MROH9: variants seen among roughly 807,000 people sequenced by gnomAD.
The protein encoded by MROH9 is maestro heat-like repeat-containing protein family member 9.
Under a neutral mutation model 98.2 loss-of-function variants are expected in MROH9, and 92 were observed. That is an observed-to-expected ratio of 0.94 (90% CI 0.79 to 1.11). The LOEUF is 1.11. MROH9 is among the 50% of genes most tolerant of loss of function. The pLI is 0.00. For missense variants in MROH9, 1,057 were observed against 1,014.8 expected (o/e 1.04, Z -0.57); for synonymous variants, 397 against 368.9 (o/e 1.08, Z -0.87).
chr1:170,969,996 C>T (rs1650379189), intron 7 of MROH9, among the ~76,000 whole-genome samples: 1 of 152,066 alleles, frequency 6.6e-6, no homozygotes, highest in African/African-American at 2.4e-5. Flanking sequence ...GGGTCATGTC[C>T]CACTTCCTAA....
intron 20 of MROH9, among the ~76,000 whole-genome samples, chr1:171,042,897 A>C (rs913394232): frequency 6.6e-6 from 1 of 152,110 alleles, no homozygotes; most frequent in Non-Finnish European, 1.5e-5. Context: ...ACCTCTTGTC[A>C]GATAAGTAGT....
chr1:171,041,886 A>G (rs756777116), intron 20 of MROH9, among the ~76,000 whole-genome samples: 9 of 151,954 alleles, frequency 5.9e-5, no homozygotes, highest in Non-Finnish European at 1.2e-4. Flanking sequence ...AGGTGTATAT[A>G]TTTATGGGTA....
chr1:171,054,044 A>G (rs1450980219), intron 20 of MROH9, among the ~76,000 whole-genome samples: 1 of 152,238 alleles, frequency 6.6e-6, no homozygotes, highest in Admixed American at 6.5e-5. Context: ...TAGCAAATAA[A>G]TAATTGCATA....
At position 171,064,265 on chromosome 1, in the gene MROH9, C is replaced by A; in HGVS notation, c.2511C>A (p.Tyr837Ter). 20 of 1,551,358 alleles carry A rather than the reference C, an allele frequency of 1.3e-5. No homozygotes were observed. Among genetic ancestry groups the A allele is most frequent in the Non-Finnish European group, 1.6e-5 (18 of 1,146,842 alleles). ...LFYIKKLKPLYNYNSPNGQID... is the reference protein window; with the variant it reads ...LFYIKKLKPL ...ACATCAAAAAATTGAAGCCTCTTTA[C>A]AATTATAACTCACCCAATGGCCAGA... is the stretch of plus-strand genomic sequence containing the variant. The change falls in exon 22 of 22, where the codon TAC becomes TAA. Residue 837 changes from tyrosine to a stop codon, truncating the protein, a stop_gained. Transcript: ENST00000367759. LOFTEE classifies it low-confidence loss of function (END_TRUNC).
At chr1:170,993,691 T>C (rs989952137) in intron 12 of MROH9, among the ~76,000 whole-genome samples, 1 of 151,774 alleles carries the variant, frequency 6.6e-6, no homozygotes, top group African/African-American at 2.4e-5. Flanking sequence ...GTGAACATAT[T>C]CTCCAGGGAG....
chr1:170,958,362 A>T, intron 3 of MROH9, 99 bp from the exon 4 acceptor site: 1 of 616,340 alleles, frequency 1.6e-6, no homozygotes, highest in Non-Finnish European at 2.8e-6. Flanking sequence ...TGGTTCCTTT[A>T]GTCTCTGTAA....
chr1:170,963,296 T>C (rs1201697951), intron 6 of MROH9, among the ~76,000 whole-genome samples: 1 of 152,018 alleles, frequency 6.6e-6, no homozygotes, highest in Admixed American at 6.6e-5. Flanking sequence ...CTACCACCAG[T>C]CAGAATGACT....
intron 8 of MROH9, among the ~76,000 whole-genome samples, chr1:170,975,340 A>T (rs911280343): frequency 2.0e-5 from 3 of 152,152 alleles, no homozygotes; most frequent in African/African-American, 7.2e-5. Flanking sequence ...TTATAAAAAG[A>T]TATATTTTAG....
At chr1:171,008,252 T>A (rs1395080600) in intron 15 of MROH9, among the ~76,000 whole-genome samples, 1 of 152,196 alleles carries the variant, frequency 6.6e-6, no homozygotes, top group Admixed American at 6.5e-5. Context: ...TAATTTTTTA[T>A]GTAACTTATT....
chr1:170,967,900 A>G (rs1650295653), intron 7 of MROH9, among the ~76,000 whole-genome samples: 1 of 152,188 alleles, frequency 6.6e-6, no homozygotes, highest in Non-Finnish European at 1.5e-5. Flanking sequence ...TTTCCAGCTA[A>G]ATCTAACAAA....
rs970125039 is a variant in MROH9, at chr1:170,983,499, A to G, written c.694A>G (p.Lys232Glu). Residue 232 changes from lysine (K) to glutamate (E), a missense_variant, in exon 9 of 22, where the codon AAG becomes GAG. Physicochemically the swap from Lys to Glu is moderately conservative, Grantham distance 56 (BLOSUM62 1). Coordinates refer to ENST00000367759, the MANE Select transcript of MROH9 (RefSeq NM_001163629.2). ...TTCTTCTGATGTAGAATTTCTACCC[A>G]AGGAGTTTCAACAAGACGAAAGTAA... Reference protein sequence around the residue: ...FPSSDVEFLPKEFQQDESKIA... With the variant: ...FPSSDVEFLPEEFQQDESKIA... 4.3e-6 allele frequency: 7 copies of G among 1,613,000 alleles called. No individual in the cohort carries two copies. Among genetic ancestry groups the G allele is most frequent in the African/African-American group, 1.3e-5 (1 of 74,888 alleles).
chr1:170,988,847 C>CA (rs2101805255), intron 10 of MROH9, among the ~76,000 whole-genome samples: 1 of 152,212 alleles, frequency 6.6e-6, no homozygotes, highest in Admixed American at 6.5e-5. Context: ...TATAATTAAG[C>CA]ACCCAGTGAC....
chr1:170,961,963 T>C lies in MROH9; in HGVS notation c.362T>C (p.Leu121Pro), dbSNP rs1650032745. 4 of 1,522,160 alleles carry C rather than the reference T, an allele frequency of 2.6e-6. No individual in the cohort carries two copies. The East Asian group carries it at 9.7e-5, about 37-fold the overall frequency. 94.3% of individuals were successfully genotyped at this position (1,522,160 alleles called of 1,614,324 possible). The change falls in exon 6 of 22, where the codon CTA (leucine) becomes CCA (proline). Residue 121 changes from leucine to proline, a missense_variant. By Grantham distance (98) the Leu-to-Pro change is moderately conservative. Coordinates refer to ENST00000367759, the MANE Select transcript of MROH9 (RefSeq NM_001163629.2). ...TTGGTGTCTAAAGACCTCTACAAACTACAGATCTTAAAGGTAAAGAGGAAA... is the reference window on the plus strand; with the variant it reads ...TTGGTGTCTAAAGACCTCTACAAACCACAGATCTTAAAGGTAAAGAGGAAA... ...TSLVSKDLYK[L>P]QILKEMLVWM...
Position 171,062,170 on chromosome 1 carries a change from G to A in MROH9, c.2320G>A (p.Asp774Asn), listed in dbSNP as rs1654034990. 6.5e-7 allele frequency: 1 copy of A among 1,550,300 alleles called. No individual in the cohort carries two copies. Among genetic ancestry groups the A allele is most frequent in the Non-Finnish European group, 8.7e-7 (1 of 1,145,878 alleles). The change falls in exon 21 of 22, where the codon GAT (aspartate) becomes AAT (asparagine). Residue 774 changes from aspartate to asparagine, a missense_variant. Physicochemically the swap from Asp to Asn is conservative, Grantham distance 23 (BLOSUM62 1). Coordinates refer to ENST00000367759, the MANE Select transcript of MROH9 (RefSeq NM_001163629.2). Reference sequence around the variant, plus strand: ...ATCAGGTGGTCATTTACTGCTTAGAGATGAAATCGAAGTCATGCTTGATGG... The same window carrying A: ...ATCAGGTGGTCATTTACTGCTTAGAAATGAAATCGAAGTCATGCTTGATGG... ...AKSGGHLLLRDEIEVMLDVIE... is the reference protein window; with the variant it reads ...AKSGGHLLLRNEIEVMLDVIE...
At chr1:170,973,431 A>T (rs1408698618) in intron 8 of MROH9, among the ~76,000 whole-genome samples, 1 of 152,166 alleles carries the variant, frequency 6.6e-6, no homozygotes, top group Non-Finnish European at 1.5e-5. Context: ...AGTGCTACTT[A>T]AAAAGGCCTT....
In MROH9 at chr1:171,029,653, C is replaced by T. The variant is rs1004743065; in HGVS notation, c.2281+4233C>T. ...ATCGCAGGGATGACGCTGAACCGAT[C>T]GTGGTGGGTAAGTTTTTTTGATTTG... On this transcript the variant is annotated intron_variant, in intron 20 of 21. Transcript: ENST00000367759. 7.9e-5 allele frequency among the ~76,000 whole-genome samples: 12 copies of T among 152,068 alleles called. No homozygotes were observed. The East Asian group carries it at 1.9e-3, about 24-fold the overall frequency.
chr1:171,039,375 C>T (rs543182647), intron 20 of MROH9, among the ~76,000 whole-genome samples: 12 of 152,094 alleles, frequency 7.9e-5, no homozygotes, highest in Admixed American at 2.6e-4. Context: ...TCCAAGCATA[C>T]GTAAACTAGG....
intron 15 of MROH9, among the ~76,000 whole-genome samples, chr1:171,003,684 T>C (rs1295844302): frequency 6.6e-6 from 1 of 152,142 alleles, no homozygotes; most frequent in Non-Finnish European, 1.5e-5. Flanking sequence ...GCCTTAGCTT[T>C]GGTGTTTTAA....
intron 12 of MROH9, 106 bp from the exon 13 acceptor site, chr1:170,995,283 G>A (rs1651520882): frequency 8.2e-7 from 1 of 1,218,982 alleles, no homozygotes; most frequent in Non-Finnish European, 1.2e-6. Context: ...TCTTCAAGGA[G>A]GCTGAAGGAG....
Sources: gnomAD v4.1 joint callset for allele counts (sites outside exome capture counted in the v4.1 genomes callset) on GRCh38, gnomAD v4.1.1 for gene constraint, MANE v1.5 for transcripts, NCBI Gene and HGNC (gene_info 2026-07-23, HGNC 2026-07-21) for gene names.